Variants in OOSP1 observed in about 807,000 individuals in gnomAD.
OOSP1 encodes oocyte secreted protein 1.
Under a neutral mutation model 5.7 loss-of-function variants are expected in OOSP1, and 11 were observed. The ratio of observed to expected loss-of-function variants is 1.94; its 90% confidence interval spans 1.22 to 3.20. The LOEUF is 3.20. OOSP1 is among the 30% of genes most tolerant of loss of function. OOSP1 has a pLI of 0.00. For missense variants in OOSP1, 83 were observed against 54.1 expected, an observed-to-expected ratio of 1.53 and a Z score of -1.67; for synonymous variants, 44 against 20.0, an observed-to-expected ratio of 2.20 and a Z score of -3.20.
intron 3 of OOSP1, among the ~76,000 whole-genome samples, chr11:59,945,894 G>GGAAGGCAACA (rs1490338540): frequency 6.6e-6 from 1 of 151,088 alleles, no homozygotes; most frequent in Non-Finnish European, 1.5e-5. Context: ...GGAAGGCAAC[G>GGAAGGCAACA]GAAGGCAACA....
At chr11:59,947,026 C>G (rs756474244) in intron 3 of OOSP1, among the ~76,000 whole-genome samples, 1 of 151,608 alleles carries the variant, frequency 6.6e-6, no homozygotes, top group Non-Finnish European at 1.5e-5. Flanking sequence ...AAATTAATAA[C>G]CATTTTGATT....
chr11:59,955,618 T>C (rs1853987486), intron 4 of OOSP1, among the ~76,000 whole-genome samples: 1 of 151,476 alleles, frequency 6.6e-6, no homozygotes, highest in Non-Finnish European at 1.5e-5. Context: ...TAATAGATCA[T>C]CTATTTTTTT....
intron 2 of OOSP1, 133 bp downstream of exon 2, chr11:59,943,161 C>T (rs918050956): frequency 3.0e-5 from 7 of 236,200 alleles, no homozygotes; most frequent in Admixed American, 1.4e-4. Context: ...TTTGTCCTTG[C>T]GATAGTTTGC....
chr11:59,954,514 C>A (rs1023708587), intron 4 of OOSP1, among the ~76,000 whole-genome samples: 7 of 151,916 alleles, frequency 4.6e-5, no homozygotes, highest in Non-Finnish European at 4.4e-5. Context: ...CAGAGAGTAT[C>A]GTTTTTATTT....
At chr11:59,947,635 A>G in intron 3 of OOSP1, 98 bp from the exon 4 acceptor site, 1 of 395,162 alleles carries the variant, frequency 2.5e-6, no homozygotes, top group Non-Finnish European at 4.5e-6. Context: ...TACATCTACT[A>G]ATAACAGGAA....
intron 4 of OOSP1, among the ~76,000 whole-genome samples, chr11:59,952,131 T>A (rs1489529813): frequency 6.6e-6 from 1 of 152,138 alleles, no homozygotes; most frequent in Non-Finnish European, 1.5e-5. Flanking sequence ...GTGGTACCTG[T>A]CATGTTGTAA....
intron 1 of OOSP1, among the ~76,000 whole-genome samples, chr11:59,942,165 A>C (rs1049695515): frequency 6.6e-6 from 1 of 152,154 alleles, no homozygotes; most frequent in Admixed American, 6.5e-5. Context: ...ACTCTTAAAA[A>C]ATCAAAAACA....
intron 4 of OOSP1, among the ~76,000 whole-genome samples, chr11:59,950,114 G>T (rs146485265): frequency 4.9e-4 from 75 of 152,258 alleles, no homozygotes; most frequent in African/African-American, 1.6e-3. Context: ...CTAAAGATTT[G>T]CAGACAGCTA....
chr11:59,952,264 A>G (rs142626441), intron 4 of OOSP1, among the ~76,000 whole-genome samples: 1 of 152,298 alleles, frequency 6.6e-6, no homozygotes, highest in African/African-American at 2.4e-5. Flanking sequence ...AAGTAAATCT[A>G]TTTGATCTAC....
intron 3 of OOSP1, 93 bp downstream of exon 3, chr11:59,945,359 C>T (rs1853870213): frequency 2.9e-6 from 2 of 700,350 alleles, no homozygotes; most frequent in East Asian, 2.7e-5. Flanking sequence ...ATGGTACAAC[C>T]AGTGATGGGA....
chr11:59,955,075 ATACT>A (rs1179550305), intron 4 of OOSP1, among the ~76,000 whole-genome samples: 1 of 152,008 alleles, frequency 6.6e-6, no homozygotes, highest in African/African-American at 2.4e-5. Flanking sequence ...TTTTTTCCTA[ATACT>A]TTAGAATTTG....
At chr11:59,956,187 CCTT>C (rs371830484) in intron 4 of OOSP1, among the ~76,000 whole-genome samples, 1,596 of 151,828 alleles carry the variant, frequency 0.011, 30 homozygotes, top group South Asian at 0.033. Flanking sequence ...TCTCTCCTTT[CCTT>C]CTTCTTCTTC....
intron 2 of OOSP1, among the ~76,000 whole-genome samples, chr11:59,943,662 A>G (rs1468205629): frequency 6.6e-6 from 1 of 152,190 alleles, no homozygotes; most frequent in African/African-American, 2.4e-5. Flanking sequence ...TAATTCATGA[A>G]GTTTGGTCAA....
intron 3 of OOSP1, among the ~76,000 whole-genome samples, chr11:59,946,299 T>C (rs946641692): frequency 2.6e-5 from 4 of 152,140 alleles, no homozygotes; most frequent in African/African-American, 9.7e-5. Flanking sequence ...CCCCAAACCA[T>C]CACCCCCTAT....
intron 1 of OOSP1, among the ~76,000 whole-genome samples, chr11:59,939,765 C>A (rs1853806293): frequency 6.6e-6 from 1 of 150,750 alleles, no homozygotes; most frequent in South Asian, 2.1e-4. Flanking sequence ...CTTTCCCCTT[C>A]TCTTTCTCAT....
chr11:59,943,672 A>G (rs1164464625), intron 2 of OOSP1, among the ~76,000 whole-genome samples: 1 of 152,200 alleles, frequency 6.6e-6, no homozygotes, highest in Non-Finnish European at 1.5e-5. Flanking sequence ...AGTTTGGTCA[A>G]TTGCGACCAG....
chr11:59,946,074 C>A (rs991104175), intron 3 of OOSP1, among the ~76,000 whole-genome samples: 2 of 152,118 alleles, frequency 1.3e-5, no homozygotes, highest in African/African-American at 2.4e-5. Context: ...CATGGACATG[C>A]AGTGGTCCCT....
intron 4 of OOSP1, among the ~76,000 whole-genome samples, chr11:59,950,420 G>A (rs1853927200): frequency 1.3e-5 from 2 of 152,154 alleles, no homozygotes; most frequent in Non-Finnish European, 2.9e-5. Flanking sequence ...AAGCAAAGAA[G>A]TAAGGAAAAT....
At chr11:59,956,607 A>C (rs1170537384) in intron 4 of OOSP1, among the ~76,000 whole-genome samples, 1 of 152,022 alleles carries the variant, frequency 6.6e-6, no homozygotes, top group Non-Finnish European at 1.5e-5. Flanking sequence ...GCTTGGTTAC[A>C]TGAGTAAGTT....
Sources: gnomAD v4.1 joint callset for allele counts (sites outside exome capture counted in the v4.1 genomes callset) on GRCh38, gnomAD v4.1.1 for gene constraint, MANE v1.5 for transcripts, NCBI Gene and HGNC (gene_info 2026-07-23, HGNC 2026-07-21) for gene names.